Variants in SLC39A11 observed in about 807,000 individuals in gnomAD.
The protein encoded by SLC39A11 is solute carrier family 39 member 11.
SLC39A11 carries 33 observed loss-of-function variants against 36.1 expected under a neutral mutation model. The ratio of observed to expected loss-of-function variants is 0.91; its 90% CI spans 0.69 to 1.22. SLC39A11 has a LOEUF of 1.22. Among genes scored for constraint, SLC39A11 ranks in the 50% most tolerant of loss-of-function variants. The pLI, the probability that SLC39A11 is intolerant of heterozygous loss-of-function variation, is 0.00. For synonymous variants in SLC39A11, 166 were observed against 170.3 expected (o/e 0.97, Z 0.20); for missense variants, 432 against 430.3 (o/e 1.00, Z -0.03).
intron 3 of SLC39A11, among the ~76,000 whole-genome samples, chr17:73,071,571 C>T (rs980926756): frequency 1.3e-5 from 2 of 152,120 alleles, no homozygotes; most frequent in Non-Finnish European, 2.9e-5. Context: ...ACAGTGGTCC[C>T]GATGGTTCTT....
intron 5 of SLC39A11, among the ~76,000 whole-genome samples, chr17:72,882,485 T>C (rs1262191612): frequency 6.6e-6 from 1 of 152,188 alleles, no homozygotes; most frequent in Non-Finnish European, 1.5e-5. Flanking sequence ...AGGAAGCTTT[T>C]TCTGAACTCA....
intron 1 of SLC39A11, among the ~76,000 whole-genome samples, chr17:73,091,123 A>G (rs145330062): frequency 6.1e-4 from 93 of 152,234 alleles, no homozygotes; most frequent in Non-Finnish European, 1.1e-3. Context: ...GTGGAAAGCA[A>G]AAGATTAAAA....
At position 72,951,261 on chromosome 17, in the gene SLC39A11, C is replaced by CAAA. The variant is rs61453793; in HGVS notation, c.307-3389_307-3387dup. Among the ~76,000 whole-genome samples, 568 of 86,956 alleles carry CAAA rather than the reference C, an allele frequency of 6.5e-3. 14 individuals carry two copies. The highest frequency in any genetic ancestry group is 0.019 in the African/African-American group (420 of 22,434). 57.0% of individuals were successfully genotyped at this position (86,956 alleles called of 152,430 possible). Reference sequence around the variant, plus strand: ...TGGGCAACGGAGAGTGACCCTGTTGCAAAAAAAAAAAAAAAAAGCCAGCAA... The same window carrying CAAA: ...TGGGCAACGGAGAGTGACCCTGTTGCAAAAAAAAAAAAAAAAAAAAGCCAGCAA... On this transcript the variant is annotated intron_variant, in intron 4 of 9. Transcript: ENST00000255559.
intron 7 of SLC39A11, among the ~76,000 whole-genome samples, chr17:72,710,799 C>T (rs1440619387): frequency 1.3e-5 from 2 of 152,186 alleles, no homozygotes; most frequent in Non-Finnish European, 2.9e-5. Flanking sequence ...TCCACCTCCA[C>T]TACTGGCTTT....
chr17:72,754,470 TA>T (rs1194276791), intron 6 of SLC39A11, among the ~76,000 whole-genome samples: 3 of 151,684 alleles, frequency 2.0e-5, no homozygotes, highest in South Asian at 2.1e-4. Flanking sequence ...ATTGAAAGCT[TA>T]AAAAAAAGAT....
chr17:72,793,600 T>C (rs2076790007), intron 6 of SLC39A11, among the ~76,000 whole-genome samples: 1 of 152,132 alleles, frequency 6.6e-6, no homozygotes, highest in Admixed American at 6.5e-5. Flanking sequence ...TTTTAATTTT[T>C]TTTTAAAAAC....
intron 5 of SLC39A11, among the ~76,000 whole-genome samples, chr17:72,926,462 C>T (rs2084054143): frequency 6.6e-6 from 1 of 152,178 alleles, no homozygotes; most frequent in Non-Finnish European, 1.5e-5. Context: ...GGAAAAATGA[C>T]TGGAGGCTCC....
intron 4 of SLC39A11, among the ~76,000 whole-genome samples, chr17:73,022,443 A>C (rs1303704061): frequency 6.6e-6 from 1 of 152,118 alleles, no homozygotes; most frequent in Non-Finnish European, 1.5e-5. Flanking sequence ...AAAAATACAA[A>C]AACTAGCTGG....
rs971430227 is a variant in SLC39A11 at position 73,020,057 on chromosome 17, T to G, written c.306+11499A>C. Among the ~76,000 whole-genome samples the G allele has an allele frequency of 2.0e-5, 3 of 152,246 alleles. No individual in the cohort carries two copies. The East Asian group carries it at 5.8e-4, about 29-fold the overall frequency. On this transcript the variant is annotated intron_variant, in intron 4 of 9. Transcript: ENST00000255559. The stretch of plus-strand genomic sequence containing the variant: ...TGAAGAATCACACTCCTTCTCCTTC[T>G]ATCTAGAAAAGTGTCCATTTCGAGT...
At chr17:73,042,404 C>T in intron 3 of SLC39A11, among the ~76,000 whole-genome samples, 1 of 152,178 alleles carries the variant, frequency 6.6e-6, no homozygotes, top group Non-Finnish European at 1.5e-5. Flanking sequence ...GCAGATCCTC[C>T]CTCATGTTTA....
intron 3 of SLC39A11, among the ~76,000 whole-genome samples, chr17:73,069,770 G>C (rs892053971): frequency 1.3e-5 from 2 of 152,196 alleles, no homozygotes; most frequent in African/African-American, 2.4e-5. Context: ...TTGATACTCA[G>C]TAAGTGCTTT....
At chr17:72,868,827 T>A (rs1409161069) in intron 5 of SLC39A11, among the ~76,000 whole-genome samples, 1 of 151,570 alleles carries the variant, frequency 6.6e-6, no homozygotes, top group African/African-American at 2.4e-5. Context: ...AAAAAAATCT[T>A]CAGTAAGTAT....
chr17:72,686,422 C>G (rs986402179), intron 7 of SLC39A11, among the ~76,000 whole-genome samples: 2 of 152,208 alleles, frequency 1.3e-5, no homozygotes, highest in African/African-American at 4.8e-5. Flanking sequence ...CGGGATCCCA[C>G]TGCTGTCCCG....
intron 4 of SLC39A11, among the ~76,000 whole-genome samples, chr17:72,964,823 T>C (rs2086851886): frequency 6.6e-6 from 1 of 152,198 alleles, no homozygotes; most frequent in Non-Finnish European, 1.5e-5. Context: ...TGCGGCACTA[T>C]GCACAATAGC....
intron 5 of SLC39A11, among the ~76,000 whole-genome samples, chr17:72,860,028 AGGGGAGGGGAGGGG>A (rs2079885112): frequency 1.1e-5 from 1 of 92,776 alleles, no homozygotes; most frequent in Non-Finnish European, 2.3e-5. Context: ...AGGGGAGGGG[AGGGGAGGGGAGGGG>A]AGGAAGGAAA....
intron 3 of SLC39A11, among the ~76,000 whole-genome samples, chr17:73,066,809 C>T (rs1258468393): frequency 2.0e-5 from 3 of 152,204 alleles, no homozygotes; most frequent in African/African-American, 7.2e-5. Flanking sequence ...TGCCCAGACA[C>T]CAGTTCTACT....
At chr17:73,077,287 T>C (rs1283747433) in intron 3 of SLC39A11, among the ~76,000 whole-genome samples, 1 of 152,202 alleles carries the variant, frequency 6.6e-6, no homozygotes, top group African/African-American at 2.4e-5. Flanking sequence ...AGGAGTTTCT[T>C]TGTGCAACTA....
rs1258892584 is a variant in SLC39A11, at chr17:72,900,181, GA to G, written c.430+47570del. 5.1e-3 allele frequency among the ~76,000 whole-genome samples: 721 copies of G among 140,526 alleles called. 131 individuals are homozygous for G. The highest frequency in any genetic ancestry group is 0.019 in the African/African-American group (669 of 35,116). 92.2% of individuals were successfully genotyped at this position (140,526 alleles called of 152,430 possible). On this transcript the variant is annotated intron_variant, in intron 5 of 9. Transcript: ENST00000255559. Reference sequence around the variant, plus strand: ...AGAAAGAAAGAAAGAAAGAAAGAAAGAAAGAAAGAAAGAAAGAAAGAAAGAA... The same window carrying G: ...AGAAAGAAAGAAAGAAAGAAAGAAAGAAGAAAGAAAGAAAGAAAGAAAGAA...
intron 6 of SLC39A11, among the ~76,000 whole-genome samples, chr17:72,737,074 G>A (rs915246864): frequency 2.0e-5 from 3 of 150,138 alleles, no homozygotes; most frequent in East Asian, 1.9e-4. Context: ...TCAGGAGTTC[G>A]AGACCAGCCT....
Sources: gnomAD v4.1 joint callset for allele counts (sites outside exome capture counted in the v4.1 genomes callset) on GRCh38, gnomAD v4.1.1 for gene constraint, MANE v1.5 for transcripts, NCBI Gene and HGNC (gene_info 2026-07-23, HGNC 2026-07-21) for gene names.